BTBD9: variants seen among roughly 807,000 people sequenced by gnomAD.
BTBD9 encodes BTB domain containing 9.
In BTBD9, 49 loss-of-function variants were observed where a neutral mutation model predicts 64.3. The ratio of observed to expected loss-of-function variants is 0.76; its 90% confidence interval spans 0.61 to 0.97. BTBD9 has a LOEUF of 0.97. Among genes scored for constraint, BTBD9 ranks in the 50% least tolerant of loss-of-function variants. The pLI is 0.00. For synonymous variants in BTBD9, 260 were observed against 274.7 expected (o/e 0.95, Z 0.53); for missense variants, 598 against 762.1 (o/e 0.78, Z 2.53).
At position 38,509,371 on chromosome 6, in the gene BTBD9, A is replaced by T. The variant is rs112395361; in HGVS notation, c.1154+68229T>A. On this transcript the variant is annotated intron_variant, in intron 6 of 10. Coordinates refer to ENST00000481247, the MANE Select transcript of BTBD9 (RefSeq NM_001099272.2). ...TGTTCTCTTTGCATCAACTATAAGT[A>T]AAGAATGGCAGCTAAGATATGTTAG... Among the ~76,000 whole-genome samples, 808 of 152,362 alleles carry T rather than the reference A, an allele frequency of 5.3e-3. 17 individuals carry two copies. The highest frequency in any genetic ancestry group is 0.019 in the African/African-American group (778 of 41,588).
chr6:38,362,894 A>G (rs1300006217), intron 6 of BTBD9, among the ~76,000 whole-genome samples: 1 of 152,206 alleles, frequency 6.6e-6, no homozygotes, highest in East Asian at 1.9e-4. Context: ...TAGAAGGATA[A>G]TATTATTGCA....
intron 6 of BTBD9, among the ~76,000 whole-genome samples, chr6:38,368,730 ACAAT>A (rs1242339893): frequency 4.6e-5 from 7 of 152,094 alleles, no homozygotes; most frequent in Non-Finnish European, 1.0e-4. Flanking sequence ...AATTTTATAC[ACAAT>A]CAGAGCATTC....
chr6:38,369,556 C>T (rs1432679721), intron 6 of BTBD9, among the ~76,000 whole-genome samples: 2 of 152,306 alleles, frequency 1.3e-5, no homozygotes, highest in East Asian at 1.9e-4. Flanking sequence ...TCTTCCCTTC[C>T]GCACCTTGTG....
chr6:38,461,536 T>C (rs939438547), intron 6 of BTBD9, among the ~76,000 whole-genome samples: 1 of 152,220 alleles, frequency 6.6e-6, no homozygotes, highest in African/African-American at 2.4e-5. Flanking sequence ...TTGTACACAA[T>C]AAATTAAAAC....
chr6:38,414,162 C>T (rs949296133), intron 6 of BTBD9, among the ~76,000 whole-genome samples: 1 of 152,138 alleles, frequency 6.6e-6, no homozygotes. Flanking sequence ...TGACAAAATT[C>T]GCCATTTACA....
At chr6:38,627,911 T>A (rs1778225402) in intron 1 of BTBD9, among the ~76,000 whole-genome samples, 2 of 152,072 alleles carry the variant, frequency 1.3e-5, no homozygotes, top group African/African-American at 4.8e-5. Context: ...AACTAGAAAA[T>A]TTTAACTGGT....
chr6:38,404,282 TAGCACACTAGCCCATTTTCTTTCCTC>T (rs1262279518), intron 6 of BTBD9, among the ~76,000 whole-genome samples: 1 of 152,216 alleles, frequency 6.6e-6, no homozygotes, highest in Admixed American at 6.5e-5. Flanking sequence ...TCCATTCCTT[TAGCACACTAGCCCATTTTCTTTCCTC>T]AGCAGACTTA....
chr6:38,556,621 C>A (rs561364888), intron 6 of BTBD9, among the ~76,000 whole-genome samples: 2 of 148,242 alleles, frequency 1.3e-5, no homozygotes, highest in Non-Finnish European at 1.5e-5. Flanking sequence ...AATCCAAAGT[C>A]CAAAATAAAA....
At chr6:38,472,056 T>C (rs1340150130) in intron 6 of BTBD9, among the ~76,000 whole-genome samples, 1 of 152,218 alleles carries the variant, frequency 6.6e-6, no homozygotes, top group Non-Finnish European at 1.5e-5. Context: ...GGGTATTATA[T>C]GTAGATTTTC....
chr6:38,325,150 T>C (rs1178199620), intron 7 of BTBD9, among the ~76,000 whole-genome samples: 1 of 152,148 alleles, frequency 6.6e-6, no homozygotes, highest in Admixed American at 6.5e-5. Flanking sequence ...ATAAGATCTA[T>C]AACATAAAAA....
intron 6 of BTBD9, among the ~76,000 whole-genome samples, chr6:38,385,515 CT>C (rs1403090455): frequency 6.6e-6 from 1 of 151,860 alleles, no homozygotes. Flanking sequence ...ATATTAAAAT[CT>C]TAACAGTCAG....
intron 7 of BTBD9, among the ~76,000 whole-genome samples, chr6:38,344,570 A>G (rs1764210986): frequency 6.6e-6 from 1 of 152,172 alleles, no homozygotes; most frequent in Admixed American, 6.5e-5. Flanking sequence ...ACAGCTAAGC[A>G]TACCACTCAT....
intron 9 of BTBD9, among the ~76,000 whole-genome samples, chr6:38,237,740 A>G (rs895564100): frequency 1.3e-5 from 2 of 152,214 alleles, no homozygotes; most frequent in Admixed American, 6.5e-5. Context: ...TGGTATTTCA[A>G]GTGTCAAGAA....
At chr6:38,530,313 C>G (rs1232539404) in intron 6 of BTBD9, among the ~76,000 whole-genome samples, 1 of 152,164 alleles carries the variant, frequency 6.6e-6, no homozygotes, top group Non-Finnish European at 1.5e-5. Context: ...TTATCCTGTT[C>G]CCTCAGAAGC....
Position 38,192,598 on chromosome 6 carries a change from C to G in BTBD9, c.1563-1G>C. 1.2e-6 allele frequency: 2 copies of G among 1,613,484 alleles called. No individual in the cohort carries two copies. Among genetic ancestry groups the G allele is most frequent in the Non-Finnish European group, 1.7e-6 (2 of 1,179,698 alleles). On this transcript the variant is annotated splice_acceptor_variant, in intron 9 of 10. Transcript: ENST00000481247. LOFTEE classifies it high-confidence loss of function. The stretch of plus-strand genomic sequence containing the variant: ...TTCAAAAGTTACTGACTGCCAGGAC[C>G]TGTGAGAGGAAACAACCATTTGCCT...
chr6:38,381,713 G>C lies in BTBD9; in HGVS notation c.1155-36620C>G, dbSNP rs187602237. Among the ~76,000 whole-genome samples, 40 of 152,012 alleles carry C rather than the reference G, an allele frequency of 2.6e-4. 1 individual carries two copies. In the East Asian group the frequency reaches 7.4e-3, roughly 28 times the overall value. ...AGGTAAGCGTCAACAAATTTTAAAG[G>C]ATCAGTATCACACAGATCACTTTCT... On this transcript the variant is annotated intron_variant, in intron 6 of 10. Coordinates refer to ENST00000481247, the MANE Select transcript of BTBD9 (RefSeq NM_001099272.2).
At chr6:38,622,238 G>A (rs56234955) in intron 1 of BTBD9, among the ~76,000 whole-genome samples, 4,338 of 152,288 alleles carry the variant, frequency 0.028, 105 homozygotes, top group Middle Eastern at 0.065. Flanking sequence ...GCACTATCCC[G>A]GGGAGCACTG....
At chr6:38,288,181 C>A in intron 8 of BTBD9, 91 bp downstream of exon 8, 1 of 1,309,690 alleles carries the variant, frequency 7.6e-7, no homozygotes. Context: ...AATTTCTTCA[C>A]TGAAGTTATT....
chr6:38,580,573 G>C lies in BTBD9; in HGVS notation c.815-136C>G. 4 of 731,806 alleles carry C rather than the reference G, an allele frequency of 5.5e-6. No homozygotes were observed. In the South Asian group the frequency reaches 7.5e-5, roughly 14 times the overall value. 45.3% of individuals were successfully genotyped at this position (731,806 alleles called of 1,614,324 possible). On this transcript the variant is annotated intron_variant, in intron 4 of 10. Transcript: ENST00000481247. ...ACAGCATAGACAAGTTTATTGGATA[G>C]AAAATACAGAACATCTATGAGGATT...
Sources: gnomAD v4.1 joint callset for allele counts (sites outside exome capture counted in the v4.1 genomes callset) on GRCh38, gnomAD v4.1.1 for gene constraint, MANE v1.5 for transcripts, NCBI Gene and HGNC (gene_info 2026-07-23, HGNC 2026-07-21) for gene names.